Variants in SLC1A4 observed in about 807,000 individuals in gnomAD.
SLC1A4 encodes solute carrier family 1 member 4.
A neutral mutation model predicts 37.7 loss-of-function variants in SLC1A4; 19 were observed. That is an observed-to-expected ratio of 0.50 (90% CI 0.35 to 0.74). The LOEUF (loss-of-function observed/expected upper bound fraction) is 0.74. Ranked by LOEUF, SLC1A4 falls within the 30% of genes least tolerant of loss-of-function variation. The pLI is 0.01. For missense variants in SLC1A4, 570 were observed against 712.9 expected, an observed-to-expected ratio of 0.80 and a Z score of 2.28; for synonymous variants, 299 against 309.8, an observed-to-expected ratio of 0.97 and a Z score of 0.37.
chr2:64,998,058 C>T (rs561061933), intron 1 of SLC1A4, among the ~76,000 whole-genome samples: 1 of 152,190 alleles, frequency 6.6e-6, no homozygotes, highest in East Asian at 1.9e-4. Context: ...ATGGTGAAAC[C>T]CCGTCTCTAC....
rs1026540396 is a variant in SLC1A4 at position 65,023,179 on chromosome 2, G to A, written c.*2033G>A. ...TAGAGCATGTTGCTGATACTCTTCT[G>A]TTTTCAAGGGAAACAATCACATTGT... is the stretch of plus-strand genomic sequence containing the variant. On this transcript the variant is annotated 3_prime_UTR_variant, in exon 8 of 8. Transcript: ENST00000234256. The A allele has an allele frequency of 1.3e-5, 2 of 152,226 alleles. No homozygotes were observed. The highest frequency in any genetic ancestry group is 1.9e-4 in the East Asian group (1 of 5,206). The allele number at this position is 152,226 out of a possible 1,614,324, so 9.4% of individuals were successfully genotyped here. A position where few individuals can be genotyped will look rare whatever the true frequency, so the allele number is the denominator to read the frequency against.
At chr2:65,012,263 G>A (rs914776615) in intron 4 of SLC1A4, among the ~76,000 whole-genome samples, 5 of 150,838 alleles carry the variant, frequency 3.3e-5, no homozygotes, top group Admixed American at 6.6e-5. Context: ...CTAATTTTTT[G>A]TATTTTTAGT....
intron 2 of SLC1A4, 94 bp downstream of exon 2, chr2:65,001,584 A>G: frequency 8.6e-7 from 1 of 1,163,478 alleles, no homozygotes; most frequent in Non-Finnish European, 1.3e-6. Context: ...ACAGGGAGAG[A>G]TGGTGGTGTT....
rs138113491 is a variant in SLC1A4 at position 65,015,931 on chromosome 2, T to G, written c.801-509T>G. 5.9e-3 allele frequency among the ~76,000 whole-genome samples: 896 copies of G among 152,352 alleles called. 5 individuals are homozygous for G. Among genetic ancestry groups the G allele is most frequent in the Non-Finnish European group, 9.8e-3 (670 of 68,030 alleles). On this transcript the variant is annotated intron_variant, in intron 4 of 7. Transcript: ENST00000234256. ...TTCCCAGAGTGTCATTGTTAATGAC[T>G]TTTTCCCACGGAATCATGTTGTCTA...
Position 64,989,613 on chromosome 2 carries a change from C to A in SLC1A4, c.-31C>A. The A allele has an allele frequency of 2.1e-6, 3 of 1,454,862 alleles. No homozygotes were observed. Among genetic ancestry groups the A allele is most frequent in the Non-Finnish European group, 2.7e-6 (3 of 1,107,270 alleles). The allele number at this position is 1,454,862 out of a possible 1,614,324, so 90.1% of individuals were successfully genotyped here. A position where few individuals can be genotyped will look rare whatever the true frequency, so the allele number is the denominator to read the frequency against. Reference sequence around the variant, plus strand: ...CTTTTGCCAGAGCCCACGTCCCCTGCCACCTCTAGCTCGGAGCGGCGTGTA... The same window carrying A: ...CTTTTGCCAGAGCCCACGTCCCCTGACACCTCTAGCTCGGAGCGGCGTGTA... On this transcript the variant is annotated 5_prime_UTR_variant, in exon 1 of 8. Transcript: ENST00000234256.
upstream of SLC1A4, chr2:64,988,686 C>T (rs867623492): frequency 1.6e-4 from 25 of 152,468 alleles, no homozygotes; most frequent in African/African-American, 5.8e-4. Flanking sequence ...ATCCTCCGGT[C>T]CGTCCTTTGT....
intron 1 of SLC1A4, among the ~76,000 whole-genome samples, chr2:64,990,756 TG>T (rs1200068685): frequency 5.3e-5 from 8 of 152,180 alleles, no homozygotes; most frequent in African/African-American, 1.7e-4. Flanking sequence ...CCTGAGGGCT[TG>T]GGGCTTGGGA....
intron 2 of SLC1A4, among the ~76,000 whole-genome samples, chr2:65,003,082 T>C (rs1462006812): frequency 2.6e-5 from 4 of 152,174 alleles, no homozygotes; most frequent in African/African-American, 4.8e-5. Context: ...TATGGGGCTT[T>C]TTTTAGTGCC....
intron 2 of SLC1A4, 49 bp downstream of exon 2, chr2:65,001,539 G>C (rs371469529): frequency 6.5e-7 from 1 of 1,536,256 alleles, no homozygotes; most frequent in Non-Finnish European, 9.0e-7. Flanking sequence ...TGGAAGAAAT[G>C]TACCAATTAC....
intron 1 of SLC1A4, chr2:64,994,962 T>C (rs1673197025): frequency 6.6e-6 from 1 of 152,242 alleles, no homozygotes; most frequent in African/African-American, 2.4e-5. Flanking sequence ...TTGTTGTAAC[T>C]ATGCCCATGT....
chr2:65,014,945 G>T (rs1290730404), intron 4 of SLC1A4, among the ~76,000 whole-genome samples: 3 of 152,220 alleles, frequency 2.0e-5, no homozygotes, highest in Non-Finnish European at 4.4e-5. Context: ...TCCATCATTG[G>T]ATGAATGGAT....
At chr2:64,989,051 A>G (rs1672919160), upstream of SLC1A4, among the ~76,000 whole-genome samples, 1 of 151,428 alleles carries the variant, frequency 6.6e-6, no homozygotes, top group Non-Finnish European at 1.5e-5. Flanking sequence ...AGGGCCCGGC[A>G]GGTGCCAAGG....
chr2:65,011,435 T>A (rs1037000216), intron 4 of SLC1A4: 1 of 142,388 alleles, frequency 7.0e-6, no homozygotes, highest in African/African-American at 2.7e-5. Context: ...CCCAGCTAAT[T>A]TTTTTTTTTT....
At position 64,989,724 on chromosome 2, in the gene SLC1A4, C is replaced by T; in HGVS notation, c.81C>T (p.Thr27=). 3 of 1,477,706 alleles carry T rather than the reference C, an allele frequency of 2.0e-6. No homozygotes were observed. Among genetic ancestry groups the T allele is most frequent in the Non-Finnish European group, 2.7e-6 (3 of 1,119,028 alleles). 91.5% of individuals were successfully genotyped at this position (1,477,706 alleles called of 1,614,324 possible). Residue 27 remains threonine (T), a synonymous_variant, in exon 1 of 8, where the codon ACC becomes ACT. Transcript: ENST00000234256. The part of the protein sequence containing the change: ...GPAAGPGAPG[T]AAGRARRCAG... Reference sequence around the variant, plus strand: ...CGGCCGGGCCCGGAGCTCCGGGGACCGCGGCGGGACGCGCACGGCGTTGCG... The same window carrying T: ...CGGCCGGGCCCGGAGCTCCGGGGACTGCGGCGGGACGCGCACGGCGTTGCG...
intron 1 of SLC1A4, among the ~76,000 whole-genome samples, chr2:64,990,875 C>T (rs1673024095): frequency 6.6e-6 from 1 of 152,222 alleles, no homozygotes; most frequent in African/African-American, 2.4e-5. Context: ...AGCATCTTCA[C>T]TTAGTTTTGC....
chr2:65,010,505 C>T (rs1160722346), intron 3 of SLC1A4, 92 bp from the exon 4 acceptor site: 3 of 1,031,904 alleles, frequency 2.9e-6, no homozygotes, highest in Non-Finnish European at 4.2e-6. Flanking sequence ...GTTCTGGGTA[C>T]AGTGTTTCAG....
rs754150591 is a variant in SLC1A4, at chr2:65,018,659, C to A, written c.1344C>A (p.Ile448=). Residue 448 remains isoleucine, a synonymous_variant, in exon 7 of 8, where the codon ATC becomes ATA. Coordinates refer to ENST00000234256, the MANE Select transcript of SLC1A4 (RefSeq NM_003038.5). The surrounding 1 kb of genome is among the most constrained non-coding windows in gnomAD (Gnocchi z 4.3). Reference sequence around the variant, plus strand: ...TGCCTACTCATGACCTGCCTCTGATCCTGGCTGTGGACTGGATTGTGTAAG... The same window carrying A: ...TGCCTACTCATGACCTGCCTCTGATACTGGCTGTGGACTGGATTGTGTAAG... ...IGLPTHDLPL[I]LAVDWIVDRT... is the part of the protein sequence containing the mutation. The A allele has an allele frequency of 2.5e-6, 4 of 1,614,204 alleles. No homozygotes were observed. The highest frequency in any genetic ancestry group is 3.4e-6 in the Non-Finnish European group (4 of 1,180,046).
intron 1 of SLC1A4, among the ~76,000 whole-genome samples, chr2:64,998,120 C>T: frequency 6.6e-6 from 1 of 152,048 alleles, no homozygotes; most frequent in East Asian, 1.9e-4. Context: ...GCCTGTAGTC[C>T]CAGCTACTCG....
At chr2:65,007,827 G>T (rs1238011600) in intron 3 of SLC1A4, among the ~76,000 whole-genome samples, 2 of 152,172 alleles carry the variant, frequency 1.3e-5, no homozygotes, top group Non-Finnish European at 2.9e-5. Flanking sequence ...TCTTTTCTTT[G>T]TGGTAGAAAT....
Sources: gnomAD v4.1 joint callset for allele counts (sites outside exome capture counted in the v4.1 genomes callset) on GRCh38, gnomAD v4.1.1 for gene constraint, Gnocchi (gnomAD v3.1) non-coding constraint, MANE v1.5 for transcripts, NCBI Gene and HGNC (gene_info 2026-07-23, HGNC 2026-07-21) for gene names.